Variants in CCDC6 observed in about 807,000 individuals in gnomAD.
CCDC6 encodes the protein coiled-coil domain-containing protein 6.
Under a neutral mutation model 56.6 loss-of-function variants are expected in CCDC6, and 20 were observed. That is an observed-to-expected ratio of 0.35 (90% CI 0.25 to 0.51). The LOEUF is 0.51. Among genes scored for constraint, CCDC6 ranks in the 20% least tolerant of loss-of-function variants. The pLI is 0.95. For missense variants in CCDC6, 367 were observed against 601.1 expected, an observed-to-expected ratio of 0.61 and a Z score of 4.07; for synonymous variants, 241 against 234.4, an observed-to-expected ratio of 1.03 and a Z score of -0.26.
At chr10:59,884,277 A>T (rs966399990) in intron 1 of CCDC6, among the ~76,000 whole-genome samples, 1 of 152,238 alleles carries the variant, frequency 6.6e-6, no homozygotes, top group Non-Finnish European at 1.5e-5. Flanking sequence ...ACAGGACCAA[A>T]AAAAGAAGGC....
At chr10:59,862,561 AT>A (rs2132662897) in intron 1 of CCDC6, among the ~76,000 whole-genome samples, 2 of 127,024 alleles carry the variant, frequency 1.6e-5, no homozygotes, top group South Asian at 2.5e-4. Context: ...ACACACATAT[AT>A]ATACACATAC....
chr10:59,793,952 T>C (rs1335140767), intron 8 of CCDC6, among the ~76,000 whole-genome samples: 1 of 152,176 alleles, frequency 6.6e-6, no homozygotes, highest in Non-Finnish European at 1.5e-5. Context: ...CTCACTCTAC[T>C]AGCTACATTT....
chr10:59,882,117 G>A (rs1589060393), intron 1 of CCDC6, among the ~76,000 whole-genome samples: 139 of 41,020 alleles, frequency 3.4e-3, no homozygotes, highest in African/African-American at 8.3e-3. Context: ...AAGGAAAGCC[G>A]GGGGGAGAAG....
chr10:59,831,885 G>A (rs1160790403), intron 3 of CCDC6, among the ~76,000 whole-genome samples: 1 of 152,228 alleles, frequency 6.6e-6, no homozygotes, highest in African/African-American at 2.4e-5. Context: ...GGGATTGCGT[G>A]CTATTACTAC....
chr10:59,804,416 T>G lies in CCDC6; in HGVS notation c.1105+4A>C. 1 of 1,577,996 alleles carries G rather than the reference T, an allele frequency of 6.3e-7. No homozygotes were observed. Among genetic ancestry groups the G allele is most frequent in the Non-Finnish European group, 8.7e-7 (1 of 1,147,074 alleles). ...CACTGAAATAGCCAAAGACATATGC[T>G]CACCAGGTGATATAGGCCTGCTTGA... is the stretch of plus-strand genomic sequence containing the variant. On this transcript the variant is annotated splice_donor_region_variant and intron_variant, in intron 7 of 8. Transcript: ENST00000263102.
At chr10:59,898,027 A>G (rs1431832601) in intron 1 of CCDC6, among the ~76,000 whole-genome samples, 1 of 152,238 alleles carries the variant, frequency 6.6e-6, no homozygotes, top group Admixed American at 6.5e-5. Context: ...AGATTAGCCC[A>G]TCAATCAGCA....
At chr10:59,823,360 C>G (rs1253368135) in intron 3 of CCDC6, among the ~76,000 whole-genome samples, 1 of 152,182 alleles carries the variant, frequency 6.6e-6, no homozygotes, top group Non-Finnish European at 1.5e-5. Flanking sequence ...GCACCCCCGC[C>G]TAGATGCTGC....
At chr10:59,879,219 AC>A (rs1177909540) in intron 1 of CCDC6, among the ~76,000 whole-genome samples, 1 of 152,192 alleles carries the variant, frequency 6.6e-6, no homozygotes, top group Non-Finnish European at 1.5e-5. Context: ...AAACCTGAAA[AC>A]AAGGATCTAA....
At chr10:59,866,843 T>C (rs776501801) in intron 1 of CCDC6, among the ~76,000 whole-genome samples, 1 of 152,170 alleles carries the variant, frequency 6.6e-6, no homozygotes, top group Non-Finnish European at 1.5e-5. Context: ...AAAGTCAACA[T>C]TATTTACGCT....
intron 1 of CCDC6, among the ~76,000 whole-genome samples, chr10:59,883,396 C>T (rs1332003581): frequency 1.3e-5 from 2 of 152,054 alleles, no homozygotes; most frequent in African/African-American, 2.4e-5. Context: ...AAAACTAAGA[C>T]GTACTCCGAT....
chr10:59,827,013 C>T (rs1382630059), intron 3 of CCDC6, among the ~76,000 whole-genome samples: 1 of 152,134 alleles, frequency 6.6e-6, no homozygotes, highest in Admixed American at 6.5e-5. Flanking sequence ...AAACAGAGTA[C>T]TGAATGTTAC....
At chr10:59,865,928 C>T (rs781175523) in intron 1 of CCDC6, among the ~76,000 whole-genome samples, 1 of 151,236 alleles carries the variant, frequency 6.6e-6, no homozygotes, top group Non-Finnish European at 1.5e-5. Flanking sequence ...TGTACCTACA[C>T]CAGGAACCCT....
chr10:59,869,500 C>T (rs1427444251), intron 1 of CCDC6, among the ~76,000 whole-genome samples: 6 of 151,230 alleles, frequency 4.0e-5, no homozygotes, highest in Non-Finnish European at 7.4e-5. Context: ...GTTTTCTTTC[C>T]CTCACTACCC....
rs59205170 is a variant in CCDC6, at chr10:59,795,471, T to TTTATTATTA, written c.1106-883_1106-875dup. Among the ~76,000 whole-genome samples, 8 of 150,606 alleles carry TTTATTATTA rather than the reference T, an allele frequency of 5.3e-5. No individual in the cohort carries two copies. The South Asian group carries it at 1.5e-3, about 28-fold the overall frequency. On this transcript the variant is annotated intron_variant, in intron 7 of 8. Transcript: ENST00000263102. ...ATTATTATTTTTTTTCTTATTCATT[T>TTTATTATTA]TTATTATTATTATTATTATACTTTA...
chr10:59,893,202 G>A (rs2071436906), intron 1 of CCDC6, among the ~76,000 whole-genome samples: 1 of 152,254 alleles, frequency 6.6e-6, no homozygotes, highest in Non-Finnish European at 1.5e-5. Flanking sequence ...TTTTTGCGGG[G>A]GGAGGGATAC....
chr10:59,805,870 C>T (rs2070617595), intron 6 of CCDC6, among the ~76,000 whole-genome samples: 1 of 152,112 alleles, frequency 6.6e-6, no homozygotes, highest in Non-Finnish European at 1.5e-5. Flanking sequence ...GCAAACTGAT[C>T]AACAGCGTTG....
intron 1 of CCDC6, among the ~76,000 whole-genome samples, chr10:59,882,590 C>CCAG (rs2071351559): frequency 8.7e-5 from 1 of 11,546 alleles, no homozygotes; most frequent in Non-Finnish European, 2.3e-4. Context: ...AGGAAAGCCG[C>CCAG]GGGGAGAAGG....
chr10:59,884,798 T>C (rs557166849), intron 1 of CCDC6, among the ~76,000 whole-genome samples: 84 of 152,316 alleles, frequency 5.5e-4, no homozygotes, highest in Non-Finnish European at 9.3e-4. Context: ...GTGCAGTGGG[T>C]CATGCCTATA....
In CCDC6 at chr10:59,906,296, A is replaced by G. The variant is rs896814795; in HGVS notation, c.129T>C (p.Gly43=). ...AGATGACAATGCCCCCCGACTTCCC[A>G]CCGCCGCCGCCTCCCCCGCCGCCAC... ...GGGGGGGGGG[G]GKSGGIVISP... Residue 43 remains glycine, a synonymous_variant, in exon 1 of 9, where the codon GGT becomes GGC. Coordinates refer to ENST00000263102, the MANE Select transcript of CCDC6 (RefSeq NM_005436.5). 2.5e-6 allele frequency: 4 copies of G among 1,599,340 alleles called. No individual in the cohort carries two copies. The African/African-American group carries it at 5.4e-5, about 21-fold the overall frequency.
Sources: allele counts gnomAD v4.1 joint callset (sites outside exome capture counted in the v4.1 genomes callset), GRCh38; gene constraint gnomAD v4.1.1; transcripts MANE v1.5; gene names NCBI Gene and HGNC (gene_info 2026-07-23, HGNC 2026-07-21).